MAMDC2: variants seen among roughly 807,000 people sequenced by gnomAD.
MAMDC2 encodes MAM domain containing 2.
A neutral mutation model predicts 89.8 loss-of-function variants in MAMDC2; 57 were observed. The observed-to-expected ratio is 0.63, with a 90% CI of 0.51 to 0.79. MAMDC2 has a LOEUF of 0.79. MAMDC2 is among the 30% of genes least tolerant of loss of function. MAMDC2 has a pLI of 0.00. For missense variants in MAMDC2, 800 were observed against 820.6 expected, an observed-to-expected ratio of 0.97 and a Z score of 0.31; for synonymous variants, 313 against 293.4, an observed-to-expected ratio of 1.07 and a Z score of -0.68.
At chr9:70,114,535 A>T (rs2029884240) in intron 5 of MAMDC2, among the ~76,000 whole-genome samples, 1 of 152,102 alleles carries the variant, frequency 6.6e-6, no homozygotes, top group South Asian at 2.1e-4. Flanking sequence ...TCATTTGACA[A>T]GTTTCTTTTA....
rs1175744537 is a variant in MAMDC2 at position 70,109,788 on chromosome 9, A to T, written c.489A>T (p.Thr163=). 7 of 1,613,778 alleles carry T rather than the reference A, an allele frequency of 4.3e-6. No homozygotes were observed. Among genetic ancestry groups the T allele is most frequent in the Non-Finnish European group, 5.9e-6 (7 of 1,179,632 alleles). The change falls in exon 4 of 14, where the codon ACA becomes ACT. Residue 163 remains threonine (T), a synonymous_variant. Transcript: ENST00000377182. ...ASIALFEIKM[T]TGYCIECDFE... is the part of the protein sequence containing the mutation. ...TCGCACTATTTGAAATCAAGATGACAACCGGCTACTGTATTGGTAAGTGGG... is the reference window on the plus strand; with the variant it reads ...TCGCACTATTTGAAATCAAGATGACTACCGGCTACTGTATTGGTAAGTGGG...
intron 9 of MAMDC2, among the ~76,000 whole-genome samples, chr9:70,154,893 CTG>C (rs1255470210): frequency 1.3e-5 from 2 of 152,100 alleles, no homozygotes; most frequent in African/African-American, 4.8e-5. Flanking sequence ...CATTCTTAAA[CTG>C]TGCCTTTTCC....
intron 12 of MAMDC2, among the ~76,000 whole-genome samples, chr9:70,225,288 A>C (rs1273247736): frequency 6.6e-6 from 1 of 152,202 alleles, no homozygotes; most frequent in Non-Finnish European, 1.5e-5. Context: ...TTCTGTTCAC[A>C]CATGGGTATC....
intron 6 of MAMDC2, 44 bp from the exon 7 acceptor site, chr9:70,131,475 C>T (rs375871963): frequency 1.5e-5 from 21 of 1,442,822 alleles, no homozygotes; most frequent in East Asian, 4.7e-5. Context: ...TAAGCCAAAC[C>T]GAAAATATGT....
chr9:70,082,145 G>C (rs1827666564), intron 2 of MAMDC2: 1 of 152,166 alleles, frequency 6.6e-6, no homozygotes, highest in South Asian at 2.1e-4. Context: ...TCTTGATACA[G>C]ACTGTGAAGT....
At chr9:70,217,197 G>A (rs2118684706) in intron 11 of MAMDC2, 2 of 732,906 alleles carry the variant, frequency 2.7e-6, no homozygotes, top group South Asian at 1.5e-5. Flanking sequence ...CCGTCGCCAC[G>A]AAGGTCGAGC....
At chr9:70,145,403 T>C (rs541380637) in intron 9 of MAMDC2, among the ~76,000 whole-genome samples, 13 of 152,364 alleles carry the variant, frequency 8.5e-5, no homozygotes, top group Admixed American at 2.0e-4. Context: ...ATCTTATAGA[T>C]GGACTCTTGC....
intron 5 of MAMDC2, among the ~76,000 whole-genome samples, chr9:70,116,070 G>A (rs2029974702): frequency 6.6e-6 from 1 of 152,204 alleles, no homozygotes; most frequent in Non-Finnish European, 1.5e-5. Flanking sequence ...TATCACAGTT[G>A]CACAGAGAGG....
At chr9:70,137,931 G>A (rs1258574685) in intron 7 of MAMDC2, among the ~76,000 whole-genome samples, 2 of 152,188 alleles carry the variant, frequency 1.3e-5, no homozygotes, top group Admixed American at 1.3e-4. Context: ...ATAAATGTAT[G>A]TGGTACAAAT....
intron 11 of MAMDC2, among the ~76,000 whole-genome samples, chr9:70,198,515 A>C (rs1280994707): frequency 1.3e-5 from 2 of 152,106 alleles, no homozygotes; most frequent in African/African-American, 4.8e-5. Context: ...AAGAGTAACT[A>C]TCCAGGTTAG....
At chr9:70,052,671 C>T (rs76634330) in intron 2 of MAMDC2, among the ~76,000 whole-genome samples, 1 of 152,156 alleles carries the variant, frequency 6.6e-6, no homozygotes, top group African/African-American at 2.4e-5. Flanking sequence ...TAATATGTGG[C>T]ATCAACAAAC....
chr9:70,114,320 A>G (rs74788930), intron 5 of MAMDC2, among the ~76,000 whole-genome samples: 10,095 of 148,682 alleles, frequency 0.068, 532 homozygotes, highest in East Asian at 0.21. Flanking sequence ...CTTGGCTCCA[A>G]TGAGTTGCTG....
At chr9:70,142,031 T>G (rs560594918) in intron 8 of MAMDC2, among the ~76,000 whole-genome samples, 1 of 152,284 alleles carries the variant, frequency 6.6e-6, no homozygotes, top group Admixed American at 6.5e-5. Flanking sequence ...TCAAGTGACT[T>G]TACCTCAAAA....
At chr9:70,130,006 TTCTG>T (rs1190883919) in intron 6 of MAMDC2, among the ~76,000 whole-genome samples, 981 of 70,590 alleles carry the variant, frequency 0.014, 15 homozygotes, top group African/African-American at 0.049. Flanking sequence ...TCACATGGCA[TTCTG>T]TGTGTGTGTG....
At chr9:70,060,065 C>T (rs1827112201) in intron 2 of MAMDC2, among the ~76,000 whole-genome samples, 1 of 152,198 alleles carries the variant, frequency 6.6e-6, no homozygotes, top group Admixed American at 6.5e-5. Context: ...GATTGTAATT[C>T]TTTCACTAGG....
At chr9:70,071,205 G>A (rs1363899801) in intron 2 of MAMDC2, among the ~76,000 whole-genome samples, 5 of 152,122 alleles carry the variant, frequency 3.3e-5, no homozygotes, top group African/African-American at 9.7e-5. Flanking sequence ...TTCCTTGTAA[G>A]GAAGACCAAC....
intron 8 of MAMDC2, among the ~76,000 whole-genome samples, chr9:70,141,347 C>T (rs1037272720): frequency 6.6e-6 from 1 of 152,096 alleles, no homozygotes; most frequent in Non-Finnish European, 1.5e-5. Flanking sequence ...CTCAGTTTGT[C>T]AATTTTCAAA....
intron 5 of MAMDC2, among the ~76,000 whole-genome samples, chr9:70,116,231 G>C (rs569211233): frequency 6.6e-6 from 1 of 152,294 alleles, no homozygotes; most frequent in Admixed American, 6.5e-5. Flanking sequence ...TAGCTGGCTG[G>C]GGAGAACATA....
At chr9:70,207,404 T>C (rs1227366521) in intron 11 of MAMDC2, among the ~76,000 whole-genome samples, 11 of 152,248 alleles carry the variant, frequency 7.2e-5, no homozygotes, top group Non-Finnish European at 1.0e-4. Flanking sequence ...TATTCATGTG[T>C]CTGTTGACTG....
Sources: gnomAD v4.1 joint callset for allele counts (sites outside exome capture counted in the v4.1 genomes callset) on GRCh38, gnomAD v4.1.1 for gene constraint, MANE v1.5 for transcripts, NCBI Gene and HGNC (gene_info 2026-07-23, HGNC 2026-07-21) for gene names.